The following SHOC1 variants were observed in gnomAD, a reference collection of about 807,000 sequenced individuals.
The protein encoded by SHOC1 is shortage in chiasmata 1, also known as protein shortage in chiasmata 1 ortholog.
In SHOC1, 136 loss-of-function variants were observed where a neutral mutation model predicts 179.2. That is an observed-to-expected ratio of 0.76 (90% CI 0.66 to 0.87). The LOEUF (loss-of-function observed/expected upper bound fraction) is 0.87. SHOC1 is among the 40% of genes least tolerant of loss of function. SHOC1 has a pLI of 0.00. For synonymous variants in SHOC1, 489 were observed against 586.6 expected (o/e 0.83, Z 2.41); for missense variants, 1,538 against 1,700.8 (o/e 0.90, Z 1.68).
intron 24 of SHOC1, among the ~76,000 whole-genome samples, chr9:111,699,293 C>A (rs1253392875): frequency 6.6e-6 from 1 of 152,096 alleles, no homozygotes; most frequent in African/African-American, 2.4e-5. Context: ...ATAAACTAAG[C>A]TTGTGGGAGG....
At chr9:111,756,606 T>C in intron 7 of SHOC1, 128 bp from the exon 8 acceptor site, 1 of 729,182 alleles carries the variant, frequency 1.4e-6, no homozygotes, top group Non-Finnish European at 2.2e-6. Context: ...TCAAAATTGT[T>C]AAAGCTATAT....
intron 4 of SHOC1, among the ~76,000 whole-genome samples, chr9:111,777,304 C>G (rs574224120): frequency 6.6e-6 from 1 of 152,192 alleles, no homozygotes; most frequent in Non-Finnish European, 1.5e-5. Context: ...AATCTTGTAG[C>G]TAATTTGTTA....
At position 111,785,961 on chromosome 9, in the gene SHOC1, A is replaced by C; in HGVS notation, c.120T>G (p.Ser40Arg). 1.3e-6 allele frequency: 2 copies of C among 1,528,860 alleles called. No individual in the cohort carries two copies. Among genetic ancestry groups the C allele is most frequent in the Non-Finnish European group, 1.8e-6 (2 of 1,138,100 alleles). The allele number at this position is 1,528,860 out of a possible 1,614,324, so 94.7% of individuals were successfully genotyped here. ...TATTATCAGTAACTGCTACATGGTA[A>C]CTTTCATCTTGATATAAACATGAAG... ...RIPSCLYQDESYHVAVTDNKF... is the reference protein window; with the variant it reads ...RIPSCLYQDERYHVAVTDNKF... The change falls in exon 3 of 28, where the codon AGT becomes AGG. Residue 40 changes from serine (S) to arginine (R), a missense_variant. Transcript: ENST00000682961.
intron 25 of SHOC1, 45 bp downstream of exon 25, chr9:111,694,186 A>C: frequency 1.3e-6 from 2 of 1,516,960 alleles, no homozygotes; most frequent in Non-Finnish European, 1.8e-6. Context: ...ACAGGTTTTT[A>C]TATTTGCTTT....
intron 19 of SHOC1, among the ~76,000 whole-genome samples, chr9:111,707,213 CTTTCT>C (rs1832317972): frequency 1.3e-5 from 2 of 151,786 alleles, no homozygotes; most frequent in Admixed American, 1.3e-4. Flanking sequence ...ATAAATTTAG[CTTTCT>C]TTTCTAATAA....
chr9:111,694,495 G>T (rs539314124), intron 24 of SHOC1, 133 bp from the exon 25 acceptor site: 2 of 599,510 alleles, frequency 3.3e-6, no homozygotes, highest in East Asian at 3.0e-5. Flanking sequence ...GAAACTATTG[G>T]TTTATCTATG....
chr9:111,728,089 C>T, intron 12 of SHOC1, 40 bp from the exon 13 acceptor site: 1 of 1,380,176 alleles, frequency 7.2e-7, no homozygotes, highest in Middle Eastern at 2.1e-4. Context: ...AACTTCCACA[C>T]CTAAACGAGT....
intron 8 of SHOC1, among the ~76,000 whole-genome samples, chr9:111,749,415 A>T (rs755100806): frequency 6.6e-6 from 1 of 152,178 alleles, no homozygotes; most frequent in Admixed American, 6.5e-5. Flanking sequence ...TATGCTTCCA[A>T]TGCCTTTTCC....
chr9:111,764,483 C>A (rs10739324), intron 5 of SHOC1, among the ~76,000 whole-genome samples: 84,609 of 151,946 alleles, frequency 0.56, 24,178 homozygotes, highest in East Asian at 0.87. Flanking sequence ...TATTGAATAA[C>A]ACAATACTAT....
intron 12 of SHOC1, among the ~76,000 whole-genome samples, chr9:111,735,649 G>A (rs529445274): frequency 2.0e-5 from 3 of 152,140 alleles, no homozygotes; most frequent in African/African-American, 4.8e-5. Flanking sequence ...ATGAACATAC[G>A]TGTGCATGTG....
intron 5 of SHOC1, among the ~76,000 whole-genome samples, chr9:111,766,820 C>G (rs1195051594): frequency 6.6e-6 from 1 of 151,894 alleles, no homozygotes; most frequent in Non-Finnish European, 1.5e-5. Flanking sequence ...CCATGTTGGC[C>G]AGGTTGGTCT....
intron 8 of SHOC1, among the ~76,000 whole-genome samples, chr9:111,748,401 T>C (rs1443150629): frequency 6.6e-6 from 1 of 152,186 alleles, no homozygotes; most frequent in African/African-American, 2.4e-5. Context: ...ACACTCCTTG[T>C]TGCCCTTCAA....
chr9:111,705,449 T>A, intron 20 of SHOC1, 85 bp from the exon 21 acceptor site: 1 of 539,012 alleles, frequency 1.9e-6, no homozygotes, highest in Non-Finnish European at 3.2e-6. Context: ...AACATGAGGA[T>A]AAGTAGGAGT....
At chr9:111,724,627 A>C (rs1833217686) in intron 13 of SHOC1, among the ~76,000 whole-genome samples, 1 of 152,122 alleles carries the variant, frequency 6.6e-6, no homozygotes, top group Admixed American at 6.5e-5. Context: ...CTGGGATTAC[A>C]GGCATGAGCT....
chr9:111,750,156 G>A (rs539476341), intron 8 of SHOC1, among the ~76,000 whole-genome samples: 1 of 152,046 alleles, frequency 6.6e-6, no homozygotes, highest in African/African-American at 2.4e-5. Context: ...CAGTGTAAAA[G>A]CATTCATTCC....
In SHOC1 at chr9:111,748,403, GC is replaced by G. The variant is rs371851555; in HGVS notation, c.863-205del. On this transcript the variant is annotated intron_variant, in intron 8 of 27. Transcript: ENST00000682961. ...TATTCCCCCATGCACACTCCTTGTTGCCCTTCAACTGTCAATCAGAATTACC... is the reference window on the plus strand; with the variant it reads ...TATTCCCCCATGCACACTCCTTGTTGCCTTCAACTGTCAATCAGAATTACC... Among the ~76,000 whole-genome samples the G allele has an allele frequency of 4.3e-4, 65 of 152,228 alleles. 1 individual carries two copies. In the Middle Eastern group the frequency reaches 0.02, roughly 48 times the overall value.
chr9:111,699,954 C>T lies in SHOC1; in HGVS notation c.3183G>A (p.Lys1061=), dbSNP rs1359720022. ...GAAGAAACACATAGGAAAAGAATAC[C>T]TTTACATCCAGTTCTTCAGAGTTTA... is the stretch of plus-strand genomic sequence containing the variant. ...FGLNSEELDV[K]LIIAPGVEAT... Residue 1061 remains lysine (K), a splice_region_variant and synonymous_variant, in exon 24 of 28, where the codon AAG becomes AAA. Coordinates refer to ENST00000682961, the MANE Select transcript of SHOC1 (RefSeq NM_001378211.1). The T allele has an allele frequency of 1.9e-6, 3 of 1,592,816 alleles. No homozygotes were observed. Among genetic ancestry groups the T allele is most frequent in the East Asian group, 2.2e-5 (1 of 44,556 alleles).
chr9:111,773,954 AAAAT>A (rs1451990240), intron 5 of SHOC1, among the ~76,000 whole-genome samples: 3 of 152,202 alleles, frequency 2.0e-5, no homozygotes, highest in African/African-American at 7.2e-5. Flanking sequence ...AATTGCAAAG[AAAAT>A]AAATAAAATT....
intron 1 of SHOC1, among the ~76,000 whole-genome samples, chr9:111,794,498 C>G (rs1439882625): frequency 6.6e-6 from 1 of 152,050 alleles, no homozygotes; most frequent in East Asian, 1.9e-4. Flanking sequence ...GCAGGAGAAT[C>G]TCTTGAACTC....
Sources: gnomAD v4.1 joint callset for allele counts (sites outside exome capture counted in the v4.1 genomes callset) on GRCh38, gnomAD v4.1.1 for gene constraint, MANE v1.5 for transcripts, NCBI Gene and HGNC (gene_info 2026-07-23, HGNC 2026-07-21) for gene names.